Variants in ANKRD30B observed in about 807,000 individuals in gnomAD.
ANKRD30B encodes the protein ankyrin repeat domain 30B.
A neutral mutation model predicts 202.2 loss-of-function variants in ANKRD30B; 144 were observed. That is an observed-to-expected ratio of 0.71 (90% CI 0.62 to 0.82). The LOEUF is 0.82. ANKRD30B is among the 40% of genes least tolerant of loss of function. The probability of loss-of-function intolerance (pLI) is 0.00; values close to 1 mark genes in which losing one functional copy is unlikely to be tolerated. For missense variants in ANKRD30B, 1,487 were observed against 1,669.1 expected (o/e 0.89, Z 1.90); for synonymous variants, 508 against 561.3 (o/e 0.91, Z 1.34).
chr18:14,784,623 T>A, intron 14 of ANKRD30B, 88 bp downstream of exon 14: 1 of 1,397,780 alleles, frequency 7.2e-7, no homozygotes, highest in Non-Finnish European at 9.7e-7. Context: ...TTTATTTCTT[T>A]TAACTTTGAT....
the ANKRD30B span, among the ~76,000 whole-genome samples, chr18:14,939,856 C>T: frequency 1.3e-5 from 2 of 152,246 alleles, no homozygotes; most frequent in African/African-American, 2.4e-5. Flanking sequence ...TGCATACCCG[C>T]GTCCAGCGTA....
the ANKRD30B span, among the ~76,000 whole-genome samples, chr18:14,918,998 C>A: frequency 6.6e-6 from 1 of 152,172 alleles, no homozygotes; most frequent in African/African-American, 2.4e-5. Flanking sequence ...AAGCCCTCAC[C>A]GGATGCTGAT....
At chr18:14,889,443 A>C in the ANKRD30B span, among the ~76,000 whole-genome samples, 1 of 152,182 alleles carries the variant, frequency 6.6e-6, no homozygotes, top group Non-Finnish European at 1.5e-5. Flanking sequence ...TCCAGGCATT[A>C]TACTGAGCTC....
intron 24 of ANKRD30B, among the ~76,000 whole-genome samples, chr18:14,805,588 C>G (rs1425829591): frequency 6.6e-6 from 1 of 150,538 alleles, no homozygotes; most frequent in African/African-American, 2.5e-5. Context: ...GATGAGATGT[C>G]AAATCTACAT....
intron 27 of ANKRD30B, 39 bp downstream of exon 27, chr18:14,810,053 A>G (rs1266860364): frequency 1.4e-6 from 2 of 1,460,630 alleles, no homozygotes; most frequent in Non-Finnish European, 1.9e-6. Context: ...TATTACCTAC[A>G]TATTTTATGA....
chr18:14,809,793 T>C (rs1247747105), intron 26 of ANKRD30B, among the ~76,000 whole-genome samples, 193 bp from the exon 27 acceptor site: 1 of 151,004 alleles, frequency 6.6e-6, no homozygotes, highest in Admixed American at 6.6e-5. Context: ...TTTCATTCCA[T>C]AGCAATAGTT....
intron 8 of ANKRD30B, among the ~76,000 whole-genome samples, chr18:14,771,686 AG>A (rs1339259241): frequency 6.6e-6 from 1 of 152,184 alleles, no homozygotes; most frequent in Non-Finnish European, 1.5e-5. Context: ...CCAGTGACAC[AG>A]ATTAGTCTTT....
chr18:14,784,946 C>T (rs193041051), intron 14 of ANKRD30B, among the ~76,000 whole-genome samples: 34 of 152,110 alleles, frequency 2.2e-4, no homozygotes, highest in Admixed American at 1.4e-3. Context: ...ACCTCATTTC[C>T]GGTGTTGTCA....
intron 20 of ANKRD30B, among the ~76,000 whole-genome samples, chr18:14,798,533 C>G (rs71364877): frequency 6.6e-6 from 1 of 152,082 alleles, no homozygotes; most frequent in African/African-American, 2.4e-5. Context: ...GCTACACAAC[C>G]GGTTAGACCA....
chr18:14,930,136 G>C, the ANKRD30B span, among the ~76,000 whole-genome samples: 1 of 152,192 alleles, frequency 6.6e-6, no homozygotes, highest in African/African-American at 2.4e-5. Context: ...TGAGTGAATA[G>C]GGGGAAGAAG....
chr18:14,804,518 G>A (rs2144017727), intron 24 of ANKRD30B, among the ~76,000 whole-genome samples: 1 of 149,900 alleles, frequency 6.7e-6, no homozygotes, highest in East Asian at 2.0e-4. Context: ...TAGGGATTCT[G>A]CATTTTTAGT....
At chr18:14,939,494 G>A in the ANKRD30B span, among the ~76,000 whole-genome samples, 1 of 152,178 alleles carries the variant, frequency 6.6e-6, no homozygotes, top group Non-Finnish European at 1.5e-5. Flanking sequence ...CCTGGCTCTA[G>A]GCACTCATTC....
intron 20 of ANKRD30B, 139 bp from the exon 21 acceptor site, chr18:14,798,962 A>C: frequency 3.2e-6 from 3 of 950,982 alleles, no homozygotes; most frequent in Non-Finnish European, 5.0e-6. Flanking sequence ...ACAATAACCC[A>C]AAAGACCCCA....
At chr18:14,900,986 T>A in the ANKRD30B span, among the ~76,000 whole-genome samples, 4 of 152,176 alleles carry the variant, frequency 2.6e-5, no homozygotes, top group Non-Finnish European at 5.9e-5. Flanking sequence ...TCTTAACTAA[T>A]GCACCCCAAT....
intron 41 of ANKRD30B, among the ~76,000 whole-genome samples, chr18:14,850,940 G>A (rs560696571): frequency 1.2e-3 from 176 of 151,940 alleles, no homozygotes; most frequent in African/African-American, 3.9e-3. Flanking sequence ...TTTCCTTTCA[G>A]AATTGTGATA....
chr18:14,888,739 T>C, the ANKRD30B span: 59 of 975,984 alleles, frequency 6.0e-5, no homozygotes, highest in Non-Finnish European at 7.8e-5. Context: ...TGGGCTGTTT[T>C]TGTTCTTTCT....
the ANKRD30B span, among the ~76,000 whole-genome samples, chr18:14,894,847 T>C: frequency 8.2e-6 from 1 of 122,024 alleles, no homozygotes; most frequent in African/African-American, 3.0e-5. Context: ...ATATCCAACA[T>C]ATACAAAAAA....
At chr18:14,757,720 T>G in intron 4 of ANKRD30B, 95 bp from the exon 5 acceptor site, 2 of 1,336,790 alleles carry the variant, frequency 1.5e-6, no homozygotes, top group Non-Finnish European at 2.0e-6. Flanking sequence ...TCAAGATACT[T>G]ATGTTTGTTA....
intron 9 of ANKRD30B, among the ~76,000 whole-genome samples, chr18:14,775,323 T>C (rs1284377013): frequency 1.3e-5 from 2 of 152,220 alleles, no homozygotes; most frequent in Non-Finnish European, 2.9e-5. Context: ...CTGAAGTTGT[T>C]TGTCTAAAAA....
Sources: allele counts gnomAD v4.1 joint callset (sites outside exome capture counted in the v4.1 genomes callset), GRCh38; gene constraint gnomAD v4.1.1; transcripts MANE v1.5; gene names NCBI Gene and HGNC (gene_info 2026-07-23, HGNC 2026-07-21).